The following SLC4A8 variants were observed in gnomAD, a reference collection of about 807,000 sequenced individuals.
SLC4A8 encodes the protein solute carrier family 4 member 8.
A neutral mutation model predicts 125.0 loss-of-function variants in SLC4A8; 40 were observed. That is an observed-to-expected ratio of 0.32 (90% CI 0.25 to 0.42). SLC4A8 has a LOEUF of 0.42. Ranked by LOEUF, SLC4A8 falls within the 10% of genes least tolerant of loss-of-function variation. The pLI is 1.00. For missense variants in SLC4A8, 863 were observed against 1,355.1 expected (o/e 0.64, Z 5.70); for synonymous variants, 456 against 476.0 (o/e 0.96, Z 0.55).
chr12:51,414,984 T>A (rs1948658547), intron 1 of SLC4A8, among the ~76,000 whole-genome samples: 1 of 152,220 alleles, frequency 6.6e-6, no homozygotes, highest in African/African-American at 2.4e-5. Flanking sequence ...GTTCAGCCAT[T>A]CTTGCATCCC....
intron 2 of SLC4A8, among the ~76,000 whole-genome samples, chr12:51,448,477 G>A (rs1042934499): frequency 6.6e-6 from 1 of 152,198 alleles, no homozygotes; most frequent in Non-Finnish European, 1.5e-5. Flanking sequence ...AGATTTGAAG[G>A]TCATTTGTAG....
At chr12:51,461,102 T>G in intron 8 of SLC4A8, 102 bp from the exon 9 acceptor site, 1 of 568,766 alleles carries the variant, frequency 1.8e-6, no homozygotes. Flanking sequence ...ACAGTGATGA[T>G]TTATGTACGA....
In SLC4A8 at chr12:51,505,875, A is replaced by C; in HGVS notation, c.3214A>C (p.Lys1072Gln). Reference sequence around the variant, plus strand: ...GATTAATATATCTGATGAAATGCCTAAAACTACAGTTTGGAAAGCTCTCAG... The same window carrying C: ...GATTAATATATCTGATGAAATGCCTCAAACTACAGTTTGGAAAGCTCTCAG... Reference protein sequence around the residue: ...SEINISDEMPKTTVWKALSMN... With the variant: ...SEINISDEMPQTTVWKALSMN... The change falls in exon 24 of 25, where the codon AAA (lysine) becomes CAA (glutamine). Residue 1072 changes from lysine to glutamine, a missense_variant. Coordinates refer to ENST00000453097, the MANE Select transcript of SLC4A8 (RefSeq NM_001039960.3). The C allele has an allele frequency of 6.3e-7, 1 of 1,591,114 alleles. No homozygotes were observed. The highest frequency in any genetic ancestry group is 1.7e-5 in the Admixed American group (1 of 59,612).
chr12:51,416,005 C>T (rs1041711927), intron 1 of SLC4A8, among the ~76,000 whole-genome samples: 6 of 151,456 alleles, frequency 4.0e-5, no homozygotes, highest in African/African-American at 1.2e-4. Flanking sequence ...AGAGTACGAC[C>T]TCTACTCTCT....
At chr12:51,410,837 A>C (rs900807485) in intron 1 of SLC4A8, among the ~76,000 whole-genome samples, 2 of 145,714 alleles carry the variant, frequency 1.4e-5, no homozygotes, top group Non-Finnish European at 3.0e-5. Context: ...TGGATTTCCT[A>C]TCTCTTCGAA....
At chr12:51,505,693 T>C (rs1437336000) in intron 23 of SLC4A8, 142 bp from the exon 24 acceptor site, 1 of 481,686 alleles carries the variant, frequency 2.1e-6, no homozygotes, top group East Asian at 3.3e-5. Context: ...GACTCCATCT[T>C]GTTCCCCGAG....
At chr12:51,451,345 G>A (rs139989789) in intron 3 of SLC4A8, among the ~76,000 whole-genome samples, 16 of 152,226 alleles carry the variant, frequency 1.1e-4, no homozygotes, top group Non-Finnish European at 1.5e-4. Flanking sequence ...TCCTGACCTC[G>A]TGATCCGCCT....
At chr12:51,457,257 T>TA in intron 5 of SLC4A8, 94 bp from the exon 6 acceptor site, 2 of 980,616 alleles carry the variant, frequency 2.0e-6, no homozygotes, top group Non-Finnish European at 3.1e-6. Context: ...TGCTTCCCCC[T>TA]ACTCCATGCC....
intron 1 of SLC4A8, among the ~76,000 whole-genome samples, chr12:51,426,326 A>G (rs983548935): frequency 5.9e-5 from 9 of 152,204 alleles, no homozygotes; most frequent in African/African-American, 2.2e-4. Context: ...AAATGTATTC[A>G]ATCTCTGTTT....
intron 5 of SLC4A8, among the ~76,000 whole-genome samples, chr12:51,455,511 A>G (rs887676814): frequency 2.6e-5 from 4 of 152,148 alleles, no homozygotes; most frequent in African/African-American, 7.2e-5. Context: ...AAGTGCCCCT[A>G]CCTCTTCAGT....
At chr12:51,410,502 G>C (rs1019274295) in intron 1 of SLC4A8, among the ~76,000 whole-genome samples, 3 of 151,604 alleles carry the variant, frequency 2.0e-5, no homozygotes, top group African/African-American at 7.3e-5. Flanking sequence ...TTGTTGCCCA[G>C]GCTGGAGTGC....
chr12:51,414,207 T>A (rs1052883132), intron 1 of SLC4A8, among the ~76,000 whole-genome samples: 1 of 151,774 alleles, frequency 6.6e-6, no homozygotes, highest in African/African-American at 2.4e-5. Context: ...CTTTCTTTGC[T>A]TTTTTTTCCC....
chr12:51,424,894 C>T lies in SLC4A8; in HGVS notation c.-94C>T, dbSNP rs770237283. ...TGACCGTTGGCTCCGGGGTGGGGGT[C>T]GCCGTTCGAGTGATCTGCTCAGACC... On this transcript the variant is annotated 5_prime_UTR_variant, in exon 1 of 25. Coordinates refer to ENST00000453097, the MANE Select transcript of SLC4A8 (RefSeq NM_001039960.3). The T allele has an allele frequency of 3.2e-5, 42 of 1,330,524 alleles. No homozygotes were observed. Among genetic ancestry groups the T allele is most frequent in the Non-Finnish European group, 4.3e-5 (41 of 961,716 alleles). The allele number at this position is 1,330,524 out of a possible 1,614,324, so 82.4% of individuals were successfully genotyped here.
At chr12:51,504,143 A>T (rs759521523) in intron 23 of SLC4A8, 23 bp downstream of exon 23, 10 of 1,404,100 alleles carry the variant, frequency 7.1e-6, no homozygotes, top group Non-Finnish European at 9.9e-6. Context: ...AACACCAAGG[A>T]GTTTACTTTT....
At chr12:51,507,007 T>C (rs1456849210) in intron 24 of SLC4A8, among the ~76,000 whole-genome samples, 1 of 152,130 alleles carries the variant, frequency 6.6e-6, no homozygotes, top group Non-Finnish European at 1.5e-5. Flanking sequence ...CTTCGATTAA[T>C]TCCTTGTATA....
At chr12:51,479,466 T>G (rs904166736) in intron 16 of SLC4A8, among the ~76,000 whole-genome samples, 2 of 152,026 alleles carry the variant, frequency 1.3e-5, no homozygotes, top group South Asian at 4.1e-4. Context: ...GTGGGTGGAT[T>G]GCTTGAAGCC....
At chr12:51,393,284 G>C (rs1365123844) in intron 1 of SLC4A8, among the ~76,000 whole-genome samples, 1 of 152,072 alleles carries the variant, frequency 6.6e-6, no homozygotes, top group Non-Finnish European at 1.5e-5. Flanking sequence ...TTGTAGAGAG[G>C]GAGTTTCGCC....
At position 51,473,114 on chromosome 12, in the gene SLC4A8, GATTTTGATAAATGTATAATGACATGT is replaced by G. The variant is rs142892835; in HGVS notation, c.1905-1225_1905-1200del. On this transcript the variant is annotated intron_variant, in intron 14 of 24. Coordinates refer to ENST00000453097, the MANE Select transcript of SLC4A8 (RefSeq NM_001039960.3). ...GACTCTTGGTGTTGTACATTCTATG[GATTTTGATAAATGTATAATGACATGT>G]ATCCTCCATTATAATATCATACAGA... 8.8e-3 allele frequency among the ~76,000 whole-genome samples: 1,347 copies of G among 152,232 alleles called. 15 individuals carry two copies. The highest frequency in any genetic ancestry group is 0.031 in the African/African-American group (1,278 of 41,514).
chr12:51,451,046 G>T (rs747733200), intron 3 of SLC4A8, 24 bp downstream of exon 3: 18 of 1,452,440 alleles, frequency 1.2e-5, no homozygotes, highest in African/African-American at 2.9e-5. Context: ...GAGACAGGGC[G>T]GGTGTCCATG....
Sources: allele counts gnomAD v4.1 joint callset (sites outside exome capture counted in the v4.1 genomes callset), GRCh38; gene constraint gnomAD v4.1.1; transcripts MANE v1.5; gene names NCBI Gene and HGNC (gene_info 2026-07-23, HGNC 2026-07-21).